SERINC5: variants seen among roughly 807,000 people sequenced by gnomAD.
SERINC5 encodes serine incorporator 5, also known as chromosome 5 open reading frame 12.
A neutral mutation model predicts 63.1 loss-of-function variants in SERINC5; 41 were observed. The observed-to-expected ratio is 0.65, with a 90% CI of 0.51 to 0.84. The LOEUF (loss-of-function observed/expected upper bound fraction) is 0.84, where lower values mean the gene tolerates loss of function less well. Ranked by LOEUF, SERINC5 falls within the 40% of genes least tolerant of loss-of-function variation. The probability of loss-of-function intolerance (pLI) is 0.00; values close to 1 mark genes in which losing one functional copy is unlikely to be tolerated. For missense variants in SERINC5, 523 were observed against 573.0 expected (o/e 0.91, Z 0.89); for synonymous variants, 222 against 215.2 (o/e 1.03, Z -0.28).
At chr5:80,162,216 A>G (rs148518987) in intron 7 of SERINC5, among the ~76,000 whole-genome samples, 73 of 50,926 alleles carry the variant, frequency 1.4e-3, no homozygotes, top group Admixed American at 7.8e-3. Context: ...TGTTGTTTCT[A>G]TACAAATTTT....
At chr5:80,180,411 G>T (rs745381704) in intron 2 of SERINC5, among the ~76,000 whole-genome samples, 1 of 152,140 alleles carries the variant, frequency 6.6e-6, no homozygotes, top group African/African-American at 2.4e-5. Context: ...ATAATTTACA[G>T]TTTCTTCTCC....
intron 11 of SERINC5, among the ~76,000 whole-genome samples, chr5:80,133,061 GTAAGTTCTCA>G (rs1190003262): frequency 1.3e-5 from 2 of 152,142 alleles, no homozygotes; most frequent in Non-Finnish European, 2.9e-5. Context: ...CTTCGCAATA[GTAAGTTCTCA>G]TGAGATCTGG....
At chr5:80,178,274 C>T (rs1402907007) in intron 2 of SERINC5, among the ~76,000 whole-genome samples, 2 of 152,124 alleles carry the variant, frequency 1.3e-5, no homozygotes, top group Non-Finnish European at 2.9e-5. Context: ...AACACTCAGC[C>T]TTTACTTGCC....
In SERINC5 at chr5:80,143,561, C is replaced by G. The variant is rs1467345534; in HGVS notation, c.*102G>C. 7.3e-7 allele frequency: 1 copy of G among 1,372,458 alleles called. No individual in the cohort carries two copies. Among genetic ancestry groups the G allele is most frequent in the African/African-American group, 1.5e-5 (1 of 67,742 alleles). 85.0% of individuals were successfully genotyped at this position (1,372,458 alleles called of 1,614,324 possible). ...TTTCTCTCTCAAAGCTTTTTCAGAC[C>G]CACTCAGGCACAGGGCGCCAGTCCC... On this transcript the variant is annotated 3_prime_UTR_variant, in exon 12 of 12. Transcript: ENST00000507668.
At chr5:80,203,165 G>A in intron 1 of SERINC5, 112 bp from the exon 2 acceptor site, 1 of 1,077,396 alleles carries the variant, frequency 9.3e-7, no homozygotes, top group South Asian at 1.4e-5. Context: ...GGGGGCTGGA[G>A]GATCACTTGA....
intron 7 of SERINC5, among the ~76,000 whole-genome samples, chr5:80,163,540 T>C (rs1438679420): frequency 6.6e-6 from 1 of 151,456 alleles, no homozygotes; most frequent in Non-Finnish European, 1.5e-5. Flanking sequence ...TCCTACTTTA[T>C]TGAGGGTTTT....
intron 8 of SERINC5, among the ~76,000 whole-genome samples, chr5:80,153,987 CA>C (rs1187030342): frequency 6.6e-6 from 1 of 152,108 alleles, no homozygotes; most frequent in African/African-American, 2.4e-5. Context: ...ATAACACGTC[CA>C]AACTTTCCTG....
At chr5:80,229,027 T>A (rs1284527428) in intron 1 of SERINC5, among the ~76,000 whole-genome samples, 1 of 27,798 alleles carries the variant, frequency 3.6e-5, no homozygotes, top group South Asian at 7.8e-4. Flanking sequence ...ATACCTTTTT[T>A]TTTTTTTTTT....
chr5:80,143,173 C>T lies in SERINC5; in HGVS notation c.*490G>A. 1 of 986,374 alleles carries T rather than the reference C, an allele frequency of 1.0e-6. No homozygotes were observed. The highest frequency in any genetic ancestry group is 1.2e-6 in the Non-Finnish European group (1 of 830,670). 61.1% of individuals were successfully genotyped at this position (986,374 alleles called of 1,614,324 possible). On this transcript the variant is annotated 3_prime_UTR_variant, in exon 12 of 12. Transcript: ENST00000507668. ...TCTTGGACCCTATAAATACCAGGGG[C>T]CCTGCAGGCTGAGTCCTGTCCTCAA...
chr5:80,187,117 G>A (rs746250863), intron 2 of SERINC5, among the ~76,000 whole-genome samples: 7 of 151,996 alleles, frequency 4.6e-5, no homozygotes, highest in Non-Finnish European at 1.0e-4. Flanking sequence ...AGTGAGCTGA[G>A]ATCACGCCAC....
At chr5:80,119,031 C>T (rs770276833) in intron 11 of SERINC5, among the ~76,000 whole-genome samples, 3 of 152,120 alleles carry the variant, frequency 2.0e-5, no homozygotes, top group Non-Finnish European at 4.4e-5. Flanking sequence ...TAGAAGTAGA[C>T]TGACCTGGAT....
At chr5:80,243,307 A>AT (rs1471153544) in intron 1 of SERINC5, among the ~76,000 whole-genome samples, 1 of 152,190 alleles carries the variant, frequency 6.6e-6, no homozygotes, top group Non-Finnish European at 1.5e-5. Flanking sequence ...CACTTTACAG[A>AT]TAAAAAAAGA....
intron 2 of SERINC5, among the ~76,000 whole-genome samples, chr5:80,191,741 G>A (rs1275334811): frequency 6.7e-6 from 1 of 149,038 alleles, no homozygotes; most frequent in Non-Finnish European, 1.5e-5. Context: ...ATTCCAAAAT[G>A]CCATATAGAC....
In SERINC5 at chr5:80,141,709, C is replaced by T. The variant is rs1745520231; in HGVS notation, c.*1954G>A. 1 of 985,598 alleles carries T rather than the reference C, an allele frequency of 1.0e-6. No individual in the cohort carries two copies. Among genetic ancestry groups the T allele is most frequent in the Non-Finnish European group, 1.2e-6 (1 of 830,040 alleles). 61.1% of individuals were successfully genotyped at this position (985,598 alleles called of 1,614,324 possible). ...TTCCTGGCCCACGGAACTCCTGTCCCCTAACTGATTCCTCAGGTTAGAACA... is the reference window on the plus strand; with the variant it reads ...TTCCTGGCCCACGGAACTCCTGTCCTCTAACTGATTCCTCAGGTTAGAACA... On this transcript the variant is annotated 3_prime_UTR_variant, in exon 12 of 12. Transcript: ENST00000507668.
At chr5:80,131,854 C>T (rs932876133) in intron 11 of SERINC5, among the ~76,000 whole-genome samples, 1 of 152,118 alleles carries the variant, frequency 6.6e-6, no homozygotes, top group Non-Finnish European at 1.5e-5. Flanking sequence ...TAAACCAATC[C>T]TGACGAACAG....
At chr5:80,168,111 A>G (rs1051920055) in intron 6 of SERINC5, among the ~76,000 whole-genome samples, 2 of 152,222 alleles carry the variant, frequency 1.3e-5, no homozygotes, top group African/African-American at 4.8e-5. Flanking sequence ...TTAACTGATC[A>G]ATTAAAGGGA....
intron 1 of SERINC5, among the ~76,000 whole-genome samples, chr5:80,250,120 TAAG>T (rs888929330): frequency 1.3e-5 from 2 of 152,182 alleles, no homozygotes; most frequent in African/African-American, 4.8e-5. Flanking sequence ...GCTCTGCTTA[TAAG>T]AAGAGAGGAA....
intron 1 of SERINC5, among the ~76,000 whole-genome samples, chr5:80,220,013 G>C (rs1012116991): frequency 1.3e-5 from 2 of 152,016 alleles, no homozygotes; most frequent in African/African-American, 4.8e-5. Context: ...TTCAAGACCA[G>C]CCTGGCCAAC....
rs1351174265 is a variant in SERINC5, at chr5:80,256,011, G to T, written c.-89C>A. Reference sequence around the variant, plus strand: ...CCTCGCGCCTCGAGCGCTGGGCTCAGCCGCAGCTCACACTTGAACGAAGAT... The same window carrying T: ...CCTCGCGCCTCGAGCGCTGGGCTCATCCGCAGCTCACACTTGAACGAAGAT... On this transcript the variant is annotated 5_prime_UTR_variant, in exon 1 of 12. In the 5' UTR this introduces an upstream ATG that the reference lacks. Transcript: ENST00000507668. The T allele has an allele frequency of 5.4e-6, 7 of 1,305,212 alleles. No individual in the cohort carries two copies. The highest frequency in any genetic ancestry group is 3.0e-5 in the East Asian group (1 of 33,560). The allele number at this position is 1,305,212 out of a possible 1,614,324, so 80.9% of individuals were successfully genotyped here.
Sources: allele counts gnomAD v4.1 joint callset (sites outside exome capture counted in the v4.1 genomes callset), GRCh38; gene constraint gnomAD v4.1.1; transcripts MANE v1.5; gene names NCBI Gene and HGNC (gene_info 2026-07-23, HGNC 2026-07-21).